The following MAP4K4 variants were observed in gnomAD, a reference collection of about 807,000 sequenced individuals.
The protein encoded by MAP4K4 is HPK/GCK-like kinase HGK.
Under a neutral mutation model 189.6 loss-of-function variants are expected in MAP4K4, and 38 were observed. That is an observed-to-expected ratio of 0.20 (90% CI 0.15 to 0.26). MAP4K4 has a LOEUF of 0.26. Among genes scored for constraint, MAP4K4 ranks in the 10% least tolerant of loss-of-function variants. The pLI, the probability that MAP4K4 is intolerant of heterozygous loss-of-function variation, is 1.00. For synonymous variants in MAP4K4, 610 were observed against 624.3 expected, an observed-to-expected ratio of 0.98 and a Z score of 0.34; for missense variants, 1,054 against 1,726.9, an observed-to-expected ratio of 0.61 and a Z score of 6.91.
intron 27 of MAP4K4, among the ~76,000 whole-genome samples, chr2:101,879,069 C>A (rs148497412): frequency 6.6e-6 from 1 of 151,712 alleles, no homozygotes; most frequent in Non-Finnish European, 1.5e-5. Context: ...GTGGCGTATG[C>A]CTGTAATCCC....
rs2097780715 is a variant in MAP4K4 at position 101,865,332 on chromosome 2, G to C, written c.2204+296G>C. On this transcript the variant is annotated intron_variant, in intron 18 of 32. Coordinates refer to ENST00000324219, the Ensembl canonical transcript of MAP4K4. ...AAGGGGGAGAAGTTCTAAGAGAATT[G>C]TGATCGGGGGGAGCTTTTCATCTAA... Among the ~76,000 whole-genome samples, 2 of 152,174 alleles carry C rather than the reference G, an allele frequency of 1.3e-5. 1 individual carries two copies. The highest frequency in any genetic ancestry group is 4.1e-4 in the South Asian group (2 of 4,832).
intron 3 of MAP4K4, chr2:101,797,328 C>T (rs1038719343): frequency 7.7e-7 from 1 of 1,290,826 alleles, no homozygotes; most frequent in African/African-American, 1.5e-5. Context: ...GCACTTTCTC[C>T]CTGTGCTTTG....
intron 2 of MAP4K4, among the ~76,000 whole-genome samples, chr2:101,711,295 G>A (rs566437404): frequency 1.6e-3 from 245 of 152,170 alleles, no homozygotes; most frequent in Non-Finnish European, 3.0e-3. Flanking sequence ...ATAATTAAAA[G>A]ATAAAGTTTT....
intron 5 of MAP4K4, among the ~76,000 whole-genome samples, chr2:101,828,203 G>A (rs2096447768): frequency 6.6e-6 from 1 of 152,238 alleles, no homozygotes; most frequent in Non-Finnish European, 1.5e-5. Flanking sequence ...TGGACAAGAT[G>A]TGGGTGCTTA....
intron 2 of MAP4K4, among the ~76,000 whole-genome samples, chr2:101,777,603 C>T (rs573308602): frequency 4.6e-5 from 7 of 152,330 alleles, no homozygotes; most frequent in African/African-American, 1.7e-4. Context: ...AATGCAACCT[C>T]CCCATCTCTC....
chr2:101,827,185 A>C (rs956422766), intron 5 of MAP4K4, among the ~76,000 whole-genome samples: 3 of 152,180 alleles, frequency 2.0e-5, no homozygotes, highest in Non-Finnish European at 4.4e-5. Context: ...CTCTAAGCCA[A>C]CTTGAGTGTG....
rs192316592 is a variant in MAP4K4, at chr2:101,751,101, G to A, written c.124-39619G>A. 2.7e-3 allele frequency among the ~76,000 whole-genome samples: 407 copies of A among 152,290 alleles called. 2 individuals are homozygous for A. The highest frequency in any genetic ancestry group is 9.6e-3 in the African/African-American group (399 of 41,560). ...GTGCCGCTTCCATCCCTCTGTTGGT[G>A]TGTTGGAAAGTATGATGGGGTTTTA... On this transcript the variant is annotated intron_variant, in intron 2 of 32. Transcript: ENST00000324219.
chr2:101,792,608 TC>T (rs1304908401), intron 3 of MAP4K4, among the ~76,000 whole-genome samples: 1 of 148,916 alleles, frequency 6.7e-6, no homozygotes, highest in East Asian at 2.0e-4. Context: ...CTCCTCCTCC[TC>T]CTCCTCCTCC....
chr2:101,700,623 C>G (rs912642383), intron 2 of MAP4K4, among the ~76,000 whole-genome samples: 8 of 152,106 alleles, frequency 5.3e-5, no homozygotes, highest in Admixed American at 1.3e-4. Context: ...TTCTTCTTTT[C>G]CTCCTTTATT....
intron 12 of MAP4K4, among the ~76,000 whole-genome samples, chr2:101,845,562 A>C (rs1348425781): frequency 6.6e-6 from 1 of 152,188 alleles, no homozygotes; most frequent in Non-Finnish European, 1.5e-5. Flanking sequence ...CCTGTACAGC[A>C]TGTTACTGTG....
At chr2:101,869,683 T>G in exon 22 of MAP4K4, 1 of 1,607,908 alleles carries the variant, frequency 6.2e-7, no homozygotes, top group Non-Finnish European at 8.5e-7. Context: ...CCTCACAAAG[T>G]AACGGACTAC....
chr2:101,883,231 G>C (rs1223050417), intron 28 of MAP4K4, among the ~76,000 whole-genome samples: 3 of 152,226 alleles, frequency 2.0e-5, no homozygotes, highest in African/African-American at 7.2e-5. Context: ...TAGTAAGTGA[G>C]CCCAGCTGGC....
intron 2 of MAP4K4, among the ~76,000 whole-genome samples, chr2:101,730,744 A>C (rs2058074620): frequency 6.6e-6 from 1 of 152,092 alleles, no homozygotes; most frequent in Non-Finnish European, 1.5e-5. Context: ...AATCACTTTG[A>C]CTTAGAAATA....
At chr2:101,887,709 A>ACT in intron 30 of MAP4K4, 69 bp from the exon 31 acceptor site, 1 of 1,250,416 alleles carries the variant, frequency 8.0e-7, no homozygotes, top group Non-Finnish European at 1.1e-6. Flanking sequence ...TAAGAGTCTT[A>ACT]CTGAGCACTT....
chr2:101,865,960 A>G (rs1360322163), intron 18 of MAP4K4, among the ~76,000 whole-genome samples: 1 of 152,216 alleles, frequency 6.6e-6, no homozygotes, highest in Non-Finnish European at 1.5e-5. Flanking sequence ...ATCCCAGCTC[A>G]TGCTTTCTGT....
At chr2:101,892,865 A>C in exon 33 of MAP4K4, 2 of 456,176 alleles carry the variant, frequency 4.4e-6, no homozygotes, top group Non-Finnish European at 4.4e-6. Context: ...CGTCTCAGGA[A>C]AGGATCAGGA....
chr2:101,886,475 A>G (rs2150299823), intron 29 of MAP4K4, among the ~76,000 whole-genome samples: 1 of 152,354 alleles, frequency 6.6e-6, no homozygotes, highest in South Asian at 2.1e-4. Flanking sequence ...ATAGTTGAGT[A>G]GCATTTTTAG....
chr2:101,753,889 G>C (rs1190260985), intron 2 of MAP4K4, among the ~76,000 whole-genome samples: 1 of 152,012 alleles, frequency 6.6e-6, no homozygotes, highest in Non-Finnish European at 1.5e-5. Context: ...TGTCTCTGTG[G>C]GGTTTGCAGG....
chr2:101,867,629 G>T, intron 20 of MAP4K4: 1 of 330,650 alleles, frequency 3.0e-6, no homozygotes, highest in Non-Finnish European at 5.5e-6. Flanking sequence ...GGAAACTGAT[G>T]CTTTAAAAAA....
Sources: gnomAD v4.1 joint callset for allele counts (sites outside exome capture counted in the v4.1 genomes callset) on GRCh38, gnomAD v4.1.1 for gene constraint, MANE v1.5 for transcripts, NCBI Gene and HGNC (gene_info 2026-07-23, HGNC 2026-07-21) for gene names.